Variants in PLCB1 observed in about 807,000 individuals in gnomAD.
PLCB1 encodes the protein 1-phosphatidylinositol 4,5-bisphosphate phosphodiesterase beta-1.
Under a neutral mutation model 161.8 loss-of-function variants are expected in PLCB1, and 46 were observed. The ratio of observed to expected loss-of-function variants is 0.28; its 90% CI spans 0.22 to 0.36. The LOEUF (loss-of-function observed/expected upper bound fraction) is 0.36, where lower values mean the gene tolerates loss of function less well. Ranked by LOEUF, PLCB1 falls within the 10% of genes least tolerant of loss-of-function variation. The pLI is 1.00. For synonymous variants in PLCB1, 517 were observed against 503.7 expected (o/e 1.03, Z -0.35); for missense variants, 1,016 against 1,472.5 (o/e 0.69, Z 5.07).
intron 19 of PLCB1, among the ~76,000 whole-genome samples, chr20:8,734,535 T>C (rs1456946377): frequency 2.0e-5 from 3 of 151,888 alleles, no homozygotes; most frequent in African/African-American, 7.2e-5. Flanking sequence ...TATATGTATA[T>C]ATACATGTAT....
intron 3 of PLCB1, among the ~76,000 whole-genome samples, chr20:8,625,847 C>T (rs1988324525): frequency 6.6e-6 from 1 of 152,062 alleles, no homozygotes; most frequent in Admixed American, 6.6e-5. Flanking sequence ...TTCCAGACAT[C>T]ACTTCTAAAT....
At chr20:8,322,664 AT>A (rs1243157656) in intron 2 of PLCB1, among the ~76,000 whole-genome samples, 2 of 152,226 alleles carry the variant, frequency 1.3e-5, no homozygotes, top group African/African-American at 4.8e-5. Context: ...ATCATCAGAC[AT>A]CAAGTAGAAA....
At chr20:8,259,647 A>C (rs1030829164) in intron 2 of PLCB1, among the ~76,000 whole-genome samples, 4 of 152,130 alleles carry the variant, frequency 2.6e-5, no homozygotes, top group African/African-American at 9.7e-5. Context: ...CTCCACTAAA[A>C]GCGATTATCT....
chr20:8,442,303 G>C (rs957906937), intron 3 of PLCB1, among the ~76,000 whole-genome samples: 1 of 152,192 alleles, frequency 6.6e-6, no homozygotes, highest in Non-Finnish European at 1.5e-5. Context: ...GGGCCGGCAG[G>C]TTTCGTTGTC....
intron 2 of PLCB1, among the ~76,000 whole-genome samples, chr20:8,362,219 C>A (rs1986566552): frequency 6.6e-6 from 1 of 152,062 alleles, no homozygotes; most frequent in Admixed American, 6.6e-5. Flanking sequence ...AATTATTCAT[C>A]TTTAAATATA....
intron 2 of PLCB1, among the ~76,000 whole-genome samples, chr20:8,223,996 G>A (rs1979547738): frequency 6.6e-6 from 1 of 152,166 alleles, no homozygotes; most frequent in Non-Finnish European, 1.5e-5. Flanking sequence ...TGCTTATAAA[G>A]TTGCATACAG....
At chr20:8,273,866 C>T (rs542313236) in intron 2 of PLCB1, among the ~76,000 whole-genome samples, 1 of 152,242 alleles carries the variant, frequency 6.6e-6, no homozygotes, top group Admixed American at 6.5e-5. Context: ...TTCCCTCTTC[C>T]ATATAAAGTG....
chr20:8,590,309 T>A (rs73595548), intron 3 of PLCB1, among the ~76,000 whole-genome samples: 13,657 of 152,228 alleles, frequency 0.09, 1,578 homozygotes, highest in African/African-American at 0.27. Flanking sequence ...TTTATTTTCA[T>A]CTCATTATAT....
chr20:8,880,187 A>G (rs776980919), intron 31 of PLCB1, among the ~76,000 whole-genome samples: 2 of 152,176 alleles, frequency 1.3e-5, no homozygotes, highest in Non-Finnish European at 2.9e-5. Context: ...TTAACCTTGC[A>G]TGGTGTTTCA....
intron 2 of PLCB1, among the ~76,000 whole-genome samples, chr20:8,256,042 G>A (rs913116383): frequency 6.6e-6 from 1 of 152,100 alleles, no homozygotes; most frequent in Non-Finnish European, 1.5e-5. Flanking sequence ...CATATAGCCT[G>A]GGTGTGTAGT....
intron 3 of PLCB1, among the ~76,000 whole-genome samples, chr20:8,484,543 G>A (rs2876131): frequency 0.51 from 76,637 of 151,132 alleles, 20,721 homozygotes; most frequent in East Asian, 0.66. Flanking sequence ...TTCATTTTTA[G>A]TAGAGACAGG....
intron 4 of PLCB1, among the ~76,000 whole-genome samples, chr20:8,632,779 G>T (rs940092167): frequency 6.6e-6 from 1 of 152,160 alleles, no homozygotes; most frequent in African/African-American, 2.4e-5. Flanking sequence ...CGTGACAGCA[G>T]CTGGGTAAGC....
At chr20:8,678,725 A>G (rs948799356) in intron 9 of PLCB1, among the ~76,000 whole-genome samples, 1 of 152,180 alleles carries the variant, frequency 6.6e-6, no homozygotes, top group Non-Finnish European at 1.5e-5. Flanking sequence ...AACTTAGCCC[A>G]TCGGCAATCA....
chr20:8,843,415 CA>C (rs1402483801), intron 31 of PLCB1, among the ~76,000 whole-genome samples: 1 of 152,128 alleles, frequency 6.6e-6, no homozygotes, highest in Non-Finnish European at 1.5e-5. Flanking sequence ...ATTGGCAACC[CA>C]ATACCTTTTA....
At chr20:8,833,852 G>C (rs1986135611) in intron 31 of PLCB1, among the ~76,000 whole-genome samples, 1 of 152,108 alleles carries the variant, frequency 6.6e-6, no homozygotes, top group South Asian at 2.1e-4. Flanking sequence ...TGCTTTTCCA[G>C]GTGAAGTATC....
At chr20:8,198,479 C>T (rs1015725575) in intron 2 of PLCB1, among the ~76,000 whole-genome samples, 2 of 152,018 alleles carry the variant, frequency 1.3e-5, no homozygotes, top group African/African-American at 4.8e-5. Flanking sequence ...CAATGGGGCT[C>T]TCTTACCTGT....
chr20:8,152,294 G>C (rs2051516798), intron 2 of PLCB1, among the ~76,000 whole-genome samples: 1 of 151,216 alleles, frequency 6.6e-6, no homozygotes, highest in Non-Finnish European at 1.5e-5. Flanking sequence ...GAGGATTTAA[G>C]AAAAAAAAAT....
chr20:8,866,359 T>C (rs1280125171), intron 31 of PLCB1, among the ~76,000 whole-genome samples: 5 of 152,154 alleles, frequency 3.3e-5, no homozygotes, highest in African/African-American at 9.7e-5. Context: ...TCTCCACTAG[T>C]GCAACAAAGA....
At chr20:8,512,705 C>T (rs534374928) in intron 3 of PLCB1, among the ~76,000 whole-genome samples, 1 of 152,050 alleles carries the variant, frequency 6.6e-6, no homozygotes, top group South Asian at 2.1e-4. Context: ...CCCCAATGTA[C>T]AATATGGGGA....
Sources: allele counts gnomAD v4.1 joint callset (sites outside exome capture counted in the v4.1 genomes callset), GRCh38; gene constraint gnomAD v4.1.1; transcripts MANE v1.5; gene names NCBI Gene and HGNC (gene_info 2026-07-23, HGNC 2026-07-21).